The following GOLM2 variants were observed in gnomAD, a reference collection of about 807,000 sequenced individuals.
The protein encoded by GOLM2 is golgi membrane protein 2, also known as protein GOLM2.
A neutral mutation model predicts 55.9 loss-of-function variants in GOLM2; 26 were observed. That is an observed-to-expected ratio of 0.47 (90% CI 0.34 to 0.65). GOLM2 has a LOEUF of 0.65. GOLM2 is among the 30% of genes least tolerant of loss of function. GOLM2 has a pLI of 0.01. For synonymous variants in GOLM2, 165 were observed against 194.6 expected, an observed-to-expected ratio of 0.85 and a Z score of 1.27; for missense variants, 486 against 531.8, an observed-to-expected ratio of 0.91 and a Z score of 0.85.
intron 7 of GOLM2, 29 bp from the exon 8 acceptor site, chr15:44,380,777 T>C: frequency 7.2e-7 from 1 of 1,382,098 alleles, no homozygotes. Flanking sequence ...TAAATTATAT[T>C]CTTTTAATTT....
intron 9 of GOLM2, among the ~76,000 whole-genome samples, chr15:44,404,928 TG>T (rs1167051859): frequency 1.3e-5 from 2 of 152,238 alleles, no homozygotes; most frequent in African/African-American, 2.4e-5. Context: ...CTCTAATTTT[TG>T]TAAGGGCTTT....
chr15:44,303,732 A>ATTTTTTTTTT (rs541563417), intron 1 of GOLM2, among the ~76,000 whole-genome samples: 1 of 130,822 alleles, frequency 7.6e-6, no homozygotes, highest in Non-Finnish European at 1.6e-5. Flanking sequence ...CACCTGGCTA[A>ATTTTTTTTTT]TTTTTTTTTT....
At chr15:44,316,169 A>G (rs1411165345) in intron 1 of GOLM2, among the ~76,000 whole-genome samples, 1 of 152,246 alleles carries the variant, frequency 6.6e-6, no homozygotes, top group African/African-American at 2.4e-5. Context: ...TAATTTCTCA[A>G]CAGCAGGGAC....
Position 44,343,490 on chromosome 15 carries a change from A to G in GOLM2, c.802+5173A>G, listed in dbSNP as rs139572948. 1.4e-3 allele frequency among the ~76,000 whole-genome samples: 209 copies of G among 152,152 alleles called. 4 individuals are homozygous for G. The highest frequency in any genetic ancestry group is 0.013 in the Admixed American group (198 of 15,254). ...AGTTCTGGTGTATATGTGGTGTCCTATTAGCTATAGAGGCAGTAACCCCAA... is the reference window on the plus strand; with the variant it reads ...AGTTCTGGTGTATATGTGGTGTCCTGTTAGCTATAGAGGCAGTAACCCCAA... On this transcript the variant is annotated intron_variant, in intron 6 of 9. Coordinates refer to ENST00000299957, the MANE Select transcript of GOLM2 (RefSeq NM_138423.4).
At chr15:44,356,047 C>T (rs2079196139) in intron 6 of GOLM2, among the ~76,000 whole-genome samples, 1 of 151,804 alleles carries the variant, frequency 6.6e-6, no homozygotes, top group Admixed American at 6.6e-5. Context: ...AATGAAAACA[C>T]TACTTATCAA....
chr15:44,406,572 A>G (rs1216178784), intron 9 of GOLM2: 1 of 152,180 alleles, frequency 6.6e-6, no homozygotes, highest in Non-Finnish European at 1.5e-5. Context: ...TGGAATCATT[A>G]TATATAACAC....
At chr15:44,370,904 C>T (rs1465109827) in intron 6 of GOLM2, among the ~76,000 whole-genome samples, 1 of 152,108 alleles carries the variant, frequency 6.6e-6, no homozygotes, top group Non-Finnish European at 1.5e-5. Flanking sequence ...CAAGTGATCT[C>T]CCACCTTGGC....
intron 6 of GOLM2, among the ~76,000 whole-genome samples, chr15:44,367,602 C>T (rs747674697): frequency 2.0e-5 from 3 of 152,016 alleles, no homozygotes; most frequent in Non-Finnish European, 4.4e-5. Context: ...CAAGACCATC[C>T]TGGCCAACAT....
In GOLM2 at chr15:44,304,240, T is replaced by C. The variant is rs1487228463; in HGVS notation, c.327+14884T>C. On this transcript the variant is annotated intron_variant, in intron 1 of 9. Coordinates refer to ENST00000299957, the MANE Select transcript of GOLM2 (RefSeq NM_138423.4). ...CTTCAGGCTCCACTTCTTTTTTTTT[T>C]TTTTTTTTTTTTTTTTTTTGAGACA... is the stretch of plus-strand genomic sequence containing the variant. Among the ~76,000 whole-genome samples, 4 of 135,634 alleles carry C rather than the reference T, an allele frequency of 2.9e-5. No individual in the cohort carries two copies. The East Asian group carries it at 8.8e-4, about 30-fold the overall frequency. The allele number at this position is 135,634 out of a possible 152,430, so 89.0% of individuals were successfully genotyped here.
chr15:44,358,784 A>G (rs2079214721), intron 6 of GOLM2, among the ~76,000 whole-genome samples: 1 of 152,214 alleles, frequency 6.6e-6, no homozygotes, highest in Non-Finnish European at 1.5e-5. Context: ...TACCTTGGGT[A>G]TGGCAATGAC....
At position 44,397,071 on chromosome 15, in the gene GOLM2, A is replaced by G. The variant is rs138220307; in HGVS notation, c.1073-5816A>G. ...CCAAAGTAAATATAATTACTTTATT[A>G]CTCCCCTAGCTGGGCACAGATTTAA... On this transcript the variant is annotated intron_variant, in intron 8 of 9. Coordinates refer to ENST00000299957, the MANE Select transcript of GOLM2 (RefSeq NM_138423.4). Among the ~76,000 whole-genome samples the G allele has an allele frequency of 7.0e-3, 1,063 of 152,236 alleles. 3 individuals are homozygous for G. Among genetic ancestry groups the G allele is most frequent in the Non-Finnish European group, 7.4e-3 (504 of 68,008 alleles).
chr15:44,337,776 A>G lies in GOLM2; in HGVS notation c.590A>G (p.Lys197Arg), dbSNP rs374515571. 2.1e-5 allele frequency: 33 copies of G among 1,580,318 alleles called. No homozygotes were observed. In the African/African-American group the frequency reaches 4.4e-4, roughly 21 times the overall value. ...FLEEQKQETQ[K>R]IQSNDGKELD... ...TTTGTCTAACAGCAAGAGACCCAAA[A>G]GATTCAATCAAATGATGGAAAGGAA... The change falls in exon 5 of 10, where the codon AAG becomes AGG. Residue 197 changes from lysine to arginine, a missense_variant. Transcript: ENST00000299957.
chr15:44,408,651 T>C (rs1194693014), intron 9 of GOLM2, among the ~76,000 whole-genome samples: 2 of 152,192 alleles, frequency 1.3e-5, no homozygotes, highest in African/African-American at 4.8e-5. Context: ...CATTTGCTCT[T>C]ATCCTGATTT....
intron 6 of GOLM2, among the ~76,000 whole-genome samples, chr15:44,359,583 G>C (rs551440357): frequency 6.6e-6 from 1 of 151,960 alleles, no homozygotes; most frequent in African/African-American, 2.4e-5. Context: ...GCGAGACTCC[G>C]TCTCAAAAAC....
intron 6 of GOLM2, among the ~76,000 whole-genome samples, chr15:44,342,847 G>A (rs1167185081): frequency 1.3e-5 from 2 of 152,174 alleles, no homozygotes; most frequent in Non-Finnish European, 1.5e-5. Context: ...CTTTAATGGT[G>A]AGACAATGGT....
chr15:44,303,497 A>G (rs537635458), intron 1 of GOLM2, among the ~76,000 whole-genome samples: 45 of 152,342 alleles, frequency 3.0e-4, no homozygotes, highest in African/African-American at 1.0e-3. Context: ...AGTGAAGAGA[A>G]CAAAACCTTG....
At chr15:44,321,484 A>AGGGGG (rs36053508) in intron 1 of GOLM2, among the ~76,000 whole-genome samples, 1 of 70,024 alleles carries the variant, frequency 1.4e-5, no homozygotes, top group African/African-American at 4.7e-5. Context: ...AAAAAAAAAA[A>AGGGGG]GGGGGGGTGG....
rs554799852 is a variant in GOLM2 at position 44,297,706 on chromosome 15, C to T, written c.327+8350C>T. On this transcript the variant is annotated intron_variant, in intron 1 of 9. Coordinates refer to ENST00000299957, the MANE Select transcript of GOLM2 (RefSeq NM_138423.4). ...CCTCCTGAGTAGCTAGGACTACAGG[C>T]ACCCGCCACCAGGCCCAGCTAAATT... 4.3e-3 allele frequency among the ~76,000 whole-genome samples: 655 copies of T among 151,044 alleles called. 3 individuals are homozygous for T. The highest frequency in any genetic ancestry group is 0.015 in the African/African-American group (634 of 41,140).
chr15:44,314,510 G>A (rs1036113930), intron 1 of GOLM2, among the ~76,000 whole-genome samples: 13 of 148,262 alleles, frequency 8.8e-5, no homozygotes, highest in Admixed American at 6.8e-5. Context: ...AGTGAGCCAA[G>A]ATCGCACCAC....
Sources: gnomAD v4.1 joint callset for allele counts (sites outside exome capture counted in the v4.1 genomes callset) on GRCh38, gnomAD v4.1.1 for gene constraint, MANE v1.5 for transcripts, NCBI Gene and HGNC (gene_info 2026-07-23, HGNC 2026-07-21) for gene names.